CFAP61: variants seen among roughly 807,000 people sequenced by gnomAD.
The protein encoded by CFAP61 is cilia and flagella associated protein 61.
A neutral mutation model predicts 135.6 loss-of-function variants in CFAP61; 107 were observed. That is an observed-to-expected ratio of 0.79 (90% CI 0.67 to 0.93). The LOEUF is 0.93. Ranked by LOEUF, CFAP61 falls within the 40% of genes least tolerant of loss-of-function variation. The pLI is 0.00. For missense variants in CFAP61, 1,507 were observed against 1,556.2 expected (o/e 0.97, Z 0.53); for synonymous variants, 575 against 578.5 (o/e 0.99, Z 0.09).
chr20:20,175,139 C>T (rs527560825), intron 13 of CFAP61, among the ~76,000 whole-genome samples: 1 of 152,328 alleles, frequency 6.6e-6, no homozygotes, highest in Admixed American at 6.5e-5. Flanking sequence ...GAAAGTGAGG[C>T]TTTACAAGAG....
intron 17 of CFAP61, among the ~76,000 whole-genome samples, chr20:20,218,568 A>C (rs896947568): frequency 2.0e-5 from 3 of 152,194 alleles, no homozygotes; most frequent in African/African-American, 7.2e-5. Context: ...CCAAATGAAT[A>C]CGTACTCTTT....
Position 20,074,451 on chromosome 20 carries a change from G to T in CFAP61, c.371+73G>T, listed in dbSNP as rs1195950954. On this transcript the variant is annotated intron_variant, in intron 4 of 26. Coordinates refer to ENST00000245957, the MANE Select transcript of CFAP61 (RefSeq NM_015585.4). ...GATAGTTTTGAAATATTTTTTAAAA[G>T]ACATGAAATTCTTTGGGGTGTTTAA... 3.8e-6 allele frequency: 5 copies of T among 1,332,584 alleles called. No individual in the cohort carries two copies. In the East Asian group the frequency reaches 1.2e-4, roughly 31 times the overall value. The allele number at this position is 1,332,584 out of a possible 1,614,324, so 82.5% of individuals were successfully genotyped here. A position where few individuals can be genotyped will look rare whatever the true frequency, so the allele number is the denominator to read the frequency against.
At position 20,319,595 on chromosome 20, in the gene CFAP61, A is replaced by C. The variant is rs2057331905; in HGVS notation, c.3422+21209A>C. ...ACATGCCTGCTTCCCTTCAACCATG[A>C]CTGAAAGTTTCCTGAGGCCTCCCTA... On this transcript the variant is annotated intron_variant, in intron 25 of 26. Coordinates refer to ENST00000245957, the MANE Select transcript of CFAP61 (RefSeq NM_015585.4). Among the ~76,000 whole-genome samples, 2 of 152,150 alleles carry C rather than the reference A, an allele frequency of 1.3e-5. 1 individual carries two copies. The highest frequency in any genetic ancestry group is 1.3e-4 in the Admixed American group (2 of 15,282).
chr20:20,280,630 A>G (rs1026550690), intron 22 of CFAP61, among the ~76,000 whole-genome samples: 3 of 152,214 alleles, frequency 2.0e-5, no homozygotes, highest in Non-Finnish European at 4.4e-5. Flanking sequence ...GCTAAGTAGT[A>G]TTCCATTGTA....
rs115295521 is a variant in CFAP61 at position 20,090,929 on chromosome 20, G to A, written c.652G>A (p.Glu218Lys). The A allele has an allele frequency of 6.2e-6, 10 of 1,613,948 alleles. No individual in the cohort carries two copies. In the East Asian group the frequency reaches 8.9e-5, roughly 14 times the overall value. Residue 218 changes from glutamate to lysine, a missense_variant, in exon 7 of 27, where the codon GAA becomes AAA. Glu to Lys is a moderately conservative substitution (Grantham distance 56). Coordinates refer to ENST00000245957, the MANE Select transcript of CFAP61 (RefSeq NM_015585.4). ...KETYGEYFLA[E>K]LIEAQDEENH... is the part of the protein sequence containing the mutation. ...AACTTACGGTGAATACTTCCTGGCC[G>A]AACTAATAGAGGCCCAAGATGAAGA...
Position 20,103,663 on chromosome 20 carries a change from G to A in CFAP61, c.859+4849G>A, listed in dbSNP as rs150161337. Among the ~76,000 whole-genome samples, 299 of 152,286 alleles carry A rather than the reference G, an allele frequency of 2.0e-3. 1 individual carries two copies. The highest frequency in any genetic ancestry group is 6.8e-3 in the African/African-American group (284 of 41,572). On this transcript the variant is annotated intron_variant, in intron 8 of 26. Transcript: ENST00000245957. ...ATGTTCCATATGCCTGGCACTTTATGAATATTTTCCTTCAGTGACAATAAA... is the reference window on the plus strand; with the variant it reads ...ATGTTCCATATGCCTGGCACTTTATAAATATTTTCCTTCAGTGACAATAAA...
chr20:20,304,279 T>TGTGC (rs2056306360), intron 25 of CFAP61, among the ~76,000 whole-genome samples: 3 of 147,712 alleles, frequency 2.0e-5, no homozygotes, highest in African/African-American at 7.8e-5. Flanking sequence ...TGACTGTGTG[T>TGTGC]GTGTGTGTGT....
chr20:20,075,326 T>C, intron 5 of CFAP61, 70 bp downstream of exon 5: 2 of 1,548,018 alleles, frequency 1.3e-6, no homozygotes, highest in African/African-American at 1.4e-5. Context: ...AATGGTGCTT[T>C]GGGGAATGAG....
At chr20:20,137,663 C>T (rs1172620381) in intron 8 of CFAP61, among the ~76,000 whole-genome samples, 3 of 152,140 alleles carry the variant, frequency 2.0e-5, no homozygotes, top group African/African-American at 7.2e-5. Flanking sequence ...CTTCCACTGG[C>T]CTATAGTAGG....
intron 2 of CFAP61, among the ~76,000 whole-genome samples, chr20:20,066,410 A>G (rs1182116866): frequency 6.6e-6 from 1 of 152,250 alleles, no homozygotes; most frequent in African/African-American, 2.4e-5. Flanking sequence ...CACAATAGCA[A>G]AGACTTGGAA....
chr20:20,318,924 T>G (rs369749410), intron 25 of CFAP61, among the ~76,000 whole-genome samples: 18 of 152,316 alleles, frequency 1.2e-4, no homozygotes, highest in African/African-American at 4.3e-4. Context: ...ACTTCTGGTA[T>G]TGCATAAAAT....
intron 6 of CFAP61, chr20:20,085,409 C>A (rs2046726287): frequency 7.3e-7 from 1 of 1,361,428 alleles, no homozygotes; most frequent in Non-Finnish European, 9.8e-7. Context: ...TTATCAATTA[C>A]CCCAAGGAAT....
chr20:20,345,425 A>G (rs1448129500), intron 26 of CFAP61, among the ~76,000 whole-genome samples: 1 of 152,216 alleles, frequency 6.6e-6, no homozygotes, highest in Non-Finnish European at 1.5e-5. Flanking sequence ...TTTTTTTAAA[A>G]TATTCAAATG....
intron 3 of CFAP61, among the ~76,000 whole-genome samples, chr20:20,072,845 A>C (rs887581640): frequency 3.3e-5 from 5 of 152,250 alleles, no homozygotes; most frequent in Admixed American, 3.3e-4. Context: ...TATAATGATT[A>C]CTTGTTAAAA....
At chr20:20,191,518 A>G (rs758014087) in intron 15 of CFAP61, 99 bp downstream of exon 15, 52 of 733,942 alleles carry the variant, frequency 7.1e-5, no homozygotes, top group Admixed American at 1.1e-4. Context: ...TACTTATTTA[A>G]TGTGAATGCC....
At chr20:20,332,877 A>G (rs2058052888) in intron 25 of CFAP61, among the ~76,000 whole-genome samples, 1 of 152,142 alleles carries the variant, frequency 6.6e-6, no homozygotes, top group South Asian at 2.1e-4. Context: ...TCAGCTTCCC[A>G]CAGCACTGAG....
chr20:20,331,428 GAAA>G (rs11476115), intron 25 of CFAP61, among the ~76,000 whole-genome samples: 73 of 144,714 alleles, frequency 5.0e-4, no homozygotes, highest in Non-Finnish European at 7.2e-4. Context: ...AAAAGCTTTA[GAAA>G]AAAAAAAAAA....
chr20:20,322,479 A>G (rs1402524090), intron 25 of CFAP61, among the ~76,000 whole-genome samples: 3 of 152,156 alleles, frequency 2.0e-5, no homozygotes, highest in Non-Finnish European at 1.5e-5. Context: ...CCTGTTGCCT[A>G]TCTGGGTGCA....
rs151136354 is a variant in CFAP61, at chr20:20,247,354, G to T, written c.2159+1139G>T. On this transcript the variant is annotated intron_variant, in intron 19 of 26. Transcript: ENST00000245957. ...GTTTCAGGAGAAAACAGCTACCGAGGGGGCTTTCTGCAGGTGTGACGCTGC... is the reference window on the plus strand; with the variant it reads ...GTTTCAGGAGAAAACAGCTACCGAGTGGGCTTTCTGCAGGTGTGACGCTGC... 8.5e-4 allele frequency among the ~76,000 whole-genome samples: 130 copies of T among 152,312 alleles called. 1 individual carries two copies. The highest frequency in any genetic ancestry group is 3.1e-3 in the African/African-American group (128 of 41,568).
Sources: gnomAD v4.1 joint callset for allele counts (sites outside exome capture counted in the v4.1 genomes callset) on GRCh38, gnomAD v4.1.1 for gene constraint, MANE v1.5 for transcripts, NCBI Gene and HGNC (gene_info 2026-07-23, HGNC 2026-07-21) for gene names.